Variants in CD8B2 observed in about 807,000 individuals in gnomAD.
CD8B2 encodes CD8B family member 2.
CD8B2 carries 11 observed loss-of-function variants against 23.7 expected under a neutral mutation model. The ratio of observed to expected loss-of-function variants is 0.46; its 90% confidence interval spans 0.29 to 0.77. CD8B2 has a LOEUF of 0.77. CD8B2 is among the 30% of genes least tolerant of loss of function. The probability of loss-of-function intolerance (pLI) is 0.09; values close to 1 mark genes in which losing one functional copy is unlikely to be tolerated. For synonymous variants in CD8B2, 90 were observed against 109.3 expected (o/e 0.82, Z 1.10); for missense variants, 197 against 270.5 (o/e 0.73, Z 1.91).
chr2:106,528,088 C>T (rs894701451), intron 5 of CD8B2, among the ~76,000 whole-genome samples: 1 of 152,154 alleles, frequency 6.6e-6, no homozygotes, highest in Non-Finnish European at 1.5e-5. Flanking sequence ...CTGGGGGGCC[C>T]CTGGCTTGCA....
At chr2:106,527,806 AAAAC>A (rs70953587) in intron 5 of CD8B2, among the ~76,000 whole-genome samples, 34 of 151,194 alleles carry the variant, frequency 2.2e-4, no homozygotes, top group African/African-American at 6.3e-4. Context: ...AACAAAACAA[AAAAC>A]AAACAAACAA....
Position 106,502,321 on chromosome 2 carries a change from A to G in CD8B2, c.494-153A>G, listed in dbSNP as rs544929664. Among the ~76,000 whole-genome samples the G allele has an allele frequency of 1.2e-3, 167 of 141,252 alleles. 1 individual carries two copies. The highest frequency in any genetic ancestry group is 4.3e-3 in the African/African-American group (166 of 38,208). 92.7% of individuals were successfully genotyped at this position (141,252 alleles called of 152,430 possible). On this transcript the variant is annotated intron_variant, in intron 3 of 5. Coordinates refer to ENST00000643224, the MANE Select transcript of CD8B2 (RefSeq NM_001349727.2). ...AAAAAAAAAAAAAAAAAAAAAAAAG[A>G]CTTGAGGAAACATACATTACATCGA...
chr2:106,512,010 G>A (rs1386825688), downstream of CD8B2, among the ~76,000 whole-genome samples: 13 of 152,190 alleles, frequency 8.5e-5, no homozygotes, highest in Non-Finnish European at 1.5e-4. Context: ...TTTCACAAGC[G>A]AGTACCCTTT....
At position 106,505,914 on chromosome 2, in the gene CD8B2, C is replaced by T. The variant is rs563035235; in HGVS notation, c.621-1014C>T. 1.3e-4 allele frequency among the ~76,000 whole-genome samples: 20 copies of T among 152,242 alleles called. No individual in the cohort carries two copies. The South Asian group carries it at 1.7e-3, about 13-fold the overall frequency. On this transcript the variant is annotated intron_variant, in intron 5 of 5. Transcript: ENST00000643224. ...GGGAGGCCCAAGGCAGGTAGATCGC[C>T]TGAGGTCAGGAGTTTGAGACCAGCC...
chr2:106,490,477 T>A (rs550189640), intron 1 of CD8B2, among the ~76,000 whole-genome samples: 1 of 152,144 alleles, frequency 6.6e-6, no homozygotes, highest in Non-Finnish European at 1.5e-5. Flanking sequence ...AAGTGTACTA[T>A]GATAGTGCCT....
intron 5 of CD8B2, among the ~76,000 whole-genome samples, chr2:106,543,768 C>T (rs1680212210): frequency 6.6e-6 from 1 of 152,142 alleles, no homozygotes; most frequent in Admixed American, 6.6e-5. Flanking sequence ...AGCCCTGGAC[C>T]ATGGAGAACC....
intron 5 of CD8B2, among the ~76,000 whole-genome samples, chr2:106,523,389 A>AG (rs966245830): frequency 1.3e-5 from 2 of 151,982 alleles, no homozygotes; most frequent in African/African-American, 2.4e-5. Flanking sequence ...TTGCTCTAGC[A>AG]GGGGGGGTCA....
intron 5 of CD8B2, chr2:106,522,203 A>G (rs1443292538): frequency 6.6e-6 from 1 of 152,158 alleles, no homozygotes; most frequent in Non-Finnish European, 1.5e-5. Context: ...GCCATTACAT[A>G]ATTAAATTTA....
rs910789486 is a variant in CD8B2, at chr2:106,510,037, A to G, written c.*3097A>G. On this transcript the variant is annotated 3_prime_UTR_variant, in exon 6 of 6. Transcript: ENST00000643224. ...ATGAGCTAGATCCATATATGCTGATATCAAATGATGGTCATGACAAATGCA... is the reference window on the plus strand; with the variant it reads ...ATGAGCTAGATCCATATATGCTGATGTCAAATGATGGTCATGACAAATGCA... The G allele has an allele frequency of 1.3e-5, 2 of 152,240 alleles. No homozygotes were observed. Among genetic ancestry groups the G allele is most frequent in the Non-Finnish European group, 2.9e-5 (2 of 68,040 alleles). The allele number at this position is 152,240 out of a possible 1,614,324, so 9.4% of individuals were successfully genotyped here.
At chr2:106,517,586 G>A (rs1679747993) in intron 5 of CD8B2, among the ~76,000 whole-genome samples, 1 of 152,044 alleles carries the variant, frequency 6.6e-6, no homozygotes, top group Non-Finnish European at 1.5e-5. Context: ...AGCCCCGTCA[G>A]CCTCCCTTCC....
Position 106,491,040 on chromosome 2 carries a change from G to A in CD8B2, c.210G>A (p.Leu70=). The A allele has an allele frequency of 1.2e-6, 2 of 1,613,966 alleles. No homozygotes were observed. The highest frequency in any genetic ancestry group is 2.2e-5 in the South Asian group (2 of 91,074). The change falls in exon 2 of 6, where the codon CTG becomes CTA. Residue 70 remains leucine, a synonymous_variant. Coordinates refer to ENST00000643224, the MANE Select transcript of CD8B2 (RefSeq NM_001349727.2). ...GCAGTGATAGTCACCACGAGTTCCT[G>A]ACCCTCTGGGATTCCGCAAAAGGGA... ...APSSDSHHEF[L]TLWDSAKGTI... is the part of the protein sequence containing the mutation.
intron 5 of CD8B2, among the ~76,000 whole-genome samples, chr2:106,517,227 G>A (rs966120385): frequency 1.1e-4 from 16 of 151,854 alleles, no homozygotes; most frequent in African/African-American, 3.4e-4. Context: ...CTGGAGAATA[G>A]TCTTGTTTTT....
chr2:106,540,135 G>C (rs1680149242), intron 5 of CD8B2, among the ~76,000 whole-genome samples: 1 of 152,080 alleles, frequency 6.6e-6, no homozygotes, highest in Non-Finnish European at 1.5e-5. Context: ...GAAAATGACA[G>C]CTTCAATGAT....
intron 1 of CD8B2, among the ~76,000 whole-genome samples, chr2:106,488,991 T>G (rs1249616343): frequency 6.6e-6 from 1 of 151,640 alleles, no homozygotes; most frequent in Non-Finnish European, 1.5e-5. Flanking sequence ...TTTATTTTTA[T>G]TTTTATTTTT....
chr2:106,520,087 T>C (rs1374165613), intron 5 of CD8B2, among the ~76,000 whole-genome samples: 1 of 152,192 alleles, frequency 6.6e-6, no homozygotes, highest in East Asian at 1.9e-4. Flanking sequence ...AACTTCAGTG[T>C]GGGCTTAGAA....
At chr2:106,511,850 T>C (rs71229396), downstream of CD8B2, among the ~76,000 whole-genome samples, 4,169 of 152,118 alleles carry the variant, frequency 0.027, 68 homozygotes, top group Non-Finnish European at 0.03. Flanking sequence ...ACCATATTCC[T>C]CAGCCCTGCG....
chr2:106,491,308 G>A, intron 2 of CD8B2, 75 bp downstream of exon 2: 1 of 1,310,220 alleles, frequency 7.6e-7, no homozygotes, highest in Non-Finnish European at 1.1e-6. Flanking sequence ...GGACCACCAG[G>A]CTTCAGTGTG....
intron 1 of CD8B2, among the ~76,000 whole-genome samples, chr2:106,488,442 C>A (rs996604438): frequency 3.3e-4 from 50 of 151,924 alleles, no homozygotes; most frequent in Non-Finnish European, 7.2e-4. Context: ...CAAGTGGGTC[C>A]CGGGAAGAGC....
At chr2:106,502,336 C>T in intron 3 of CD8B2, 138 bp from the exon 4 acceptor site, 4 of 354,122 alleles carry the variant, frequency 1.1e-5, no homozygotes, top group Non-Finnish European at 2.3e-5. Context: ...AGGAAACATA[C>T]ATTACATCGA....
Sources: allele counts gnomAD v4.1 joint callset (sites outside exome capture counted in the v4.1 genomes callset), GRCh38; gene constraint gnomAD v4.1.1; transcripts MANE v1.5; gene names NCBI Gene and HGNC (gene_info 2026-07-23, HGNC 2026-07-21).